Variants in LOXHD1 observed in about 807,000 individuals in gnomAD.
LOXHD1 encodes lipoxygenase homology PLAT domains 1.
A neutral mutation model predicts 248.2 loss-of-function variants in LOXHD1; 205 were observed. The ratio of observed to expected loss-of-function variants is 0.83; its 90% CI spans 0.74 to 0.93. LOXHD1 has a LOEUF of 0.93. Among genes scored for constraint, LOXHD1 ranks in the 40% least tolerant of loss-of-function variants. The probability of loss-of-function intolerance (pLI) is 0.00; values close to 1 mark genes in which losing one functional copy is unlikely to be tolerated. For missense variants in LOXHD1, 2,930 were observed against 2,971.6 expected, an observed-to-expected ratio of 0.99 and a Z score of 0.33; for synonymous variants, 1,113 against 1,162.8, an observed-to-expected ratio of 0.96 and a Z score of 0.87.
intron 37 of LOXHD1, among the ~76,000 whole-genome samples, chr18:46,494,940 G>A (rs1219994893): frequency 7.3e-6 from 1 of 136,622 alleles, no homozygotes; most frequent in Non-Finnish European, 1.5e-5. Context: ...TGCAAGCTCC[G>A]CCTCCCGGGT....
At chr18:46,637,323 C>A (rs1479035915) in intron 4 of LOXHD1, among the ~76,000 whole-genome samples, 1 of 152,178 alleles carries the variant, frequency 6.6e-6, no homozygotes, top group Non-Finnish European at 1.5e-5. Flanking sequence ...CAGGGGGTGT[C>A]TACCCTGAGG....
Position 46,504,302 on chromosome 18 carries a change from C to T in LOXHD1, c.5878+1536G>A, listed in dbSNP as rs553773473. Among the ~76,000 whole-genome samples, 87 of 152,194 alleles carry T rather than the reference C, an allele frequency of 5.7e-4. 1 individual carries two copies. In the South Asian group the frequency reaches 0.016, roughly 28 times the overall value. On this transcript the variant is annotated intron_variant, in intron 37 of 40. Coordinates refer to ENST00000642948, the MANE Select transcript of LOXHD1 (RefSeq NM_001384474.1). ...TGCATTTTTGGTAGAGATGGAGTTTCGCCATGTTGCCCAGGCTAGTCTCAA... is the reference window on the plus strand; with the variant it reads ...TGCATTTTTGGTAGAGATGGAGTTTTGCCATGTTGCCCAGGCTAGTCTCAA...
In LOXHD1 at chr18:46,533,266, T is replaced by C; in HGVS notation, c.4271A>G (p.Lys1424Arg). ...DRWLATSEDD[K>R]KTIRELVPYD... is the part of the protein sequence containing the mutation. Reference sequence around the variant, plus strand: ...TGGAACCAGTTCTCGAATGGTCTTTTTGTCATCCTCAGAGGTGGCAAGCCA... The same window carrying C: ...TGGAACCAGTTCTCGAATGGTCTTTCTGTCATCCTCAGAGGTGGCAAGCCA... Residue 1424 changes from lysine to arginine, a missense_variant, in exon 28 of 41, where the codon AAA becomes AGA. Physicochemically the swap from Lys to Arg is conservative, Grantham distance 26. Transcript: ENST00000642948. The C allele has an allele frequency of 6.4e-7, 1 of 1,551,794 alleles. No individual in the cohort carries two copies. The highest frequency in any genetic ancestry group is 8.7e-7 in the Non-Finnish European group (1 of 1,147,018).
chr18:46,535,837 C>A (rs1157833896), intron 26 of LOXHD1, among the ~76,000 whole-genome samples: 2 of 152,194 alleles, frequency 1.3e-5, no homozygotes, highest in Non-Finnish European at 2.9e-5. Flanking sequence ...TCCCAAAGTG[C>A]TGGCATTACA....
chr18:46,544,578 A>T (rs1217067722), intron 23 of LOXHD1, among the ~76,000 whole-genome samples: 1 of 152,222 alleles, frequency 6.6e-6, no homozygotes. Flanking sequence ...TACATGTTCA[A>T]CTTCATTAGA....
In LOXHD1 at chr18:46,620,463, G is replaced by C. The variant is rs1009593794; in HGVS notation, c.512-2173C>G. On this transcript the variant is annotated intron_variant, in intron 4 of 40. Coordinates refer to ENST00000642948, the MANE Select transcript of LOXHD1 (RefSeq NM_001384474.1). ...CAGGAGAAAGGATGAGAGGGGCTGG[G>C]AAGCATTTGTTGAAGGAGTCGCCAA... Among the ~76,000 whole-genome samples the C allele has an allele frequency of 4.6e-5, 7 of 152,336 alleles. No individual in the cohort carries two copies. In the East Asian group the frequency reaches 1.4e-3, roughly 29 times the overall value.
At chr18:46,560,020 GC>G (rs2037479227) in intron 19 of LOXHD1, 62 bp downstream of exon 19, 2 of 1,497,518 alleles carry the variant, frequency 1.3e-6, no homozygotes, top group African/African-American at 1.4e-5. Context: ...CCCCCAGTGG[GC>G]CCCCTTTAGG....
At chr18:46,570,136 G>A (rs1823098176) in intron 15 of LOXHD1, among the ~76,000 whole-genome samples, 1 of 152,210 alleles carries the variant, frequency 6.6e-6, no homozygotes, top group Non-Finnish European at 1.5e-5. Context: ...TTTGGTGCAA[G>A]ATGGCAACAG....
chr18:46,619,882 C>T (rs2038644357), intron 4 of LOXHD1, among the ~76,000 whole-genome samples: 1 of 152,168 alleles, frequency 6.6e-6, no homozygotes, highest in Non-Finnish European at 1.5e-5. Flanking sequence ...TTGTCCCTAA[C>T]TGAGAGCTCC....
At chr18:46,535,887 C>T (rs1016149071) in intron 26 of LOXHD1, among the ~76,000 whole-genome samples, 8 of 152,100 alleles carry the variant, frequency 5.3e-5, no homozygotes, top group Non-Finnish European at 7.4e-5. Flanking sequence ...TCAGTTCTAA[C>T]GCCTCAGAGA....
At position 46,557,393 on chromosome 18, in the gene LOXHD1, C is replaced by T. The variant is rs2143974627; in HGVS notation, c.3313G>A (p.Asp1105Asn). 1 of 1,552,362 alleles carries T rather than the reference C, an allele frequency of 6.4e-7. No individual in the cohort carries two copies. The highest frequency in any genetic ancestry group is 8.7e-7 in the Non-Finnish European group (1 of 1,147,146). The stretch of plus-strand genomic sequence containing the variant: ...TTCATGTCAGTAATGTCTATTCTGT[C>T]CAGGAACCAGCCTGCTCTGTTGCCT... ...NTGNRAGWFL[D>N]RIDITDMNNE... Residue 1105 changes from aspartate (D) to asparagine (N), a missense_variant, in exon 21 of 41, where the codon GAC becomes AAC. Physicochemically the swap from Asp to Asn is conservative, Grantham distance 23. Coordinates refer to ENST00000642948, the MANE Select transcript of LOXHD1 (RefSeq NM_001384474.1).
At chr18:46,632,765 C>G (rs1483243995) in intron 4 of LOXHD1, among the ~76,000 whole-genome samples, 9 of 152,170 alleles carry the variant, frequency 5.9e-5, no homozygotes, top group African/African-American at 2.2e-4. Context: ...TCCACAGGCC[C>G]CAGAAGGTGC....
intron 2 of LOXHD1, among the ~76,000 whole-genome samples, chr18:46,646,534 G>A (rs555276263): frequency 2.8e-4 from 43 of 152,132 alleles, no homozygotes; most frequent in Non-Finnish European, 5.1e-4. Flanking sequence ...CTGTTGATAC[G>A]GTAAGTTGAA....
intron 4 of LOXHD1, among the ~76,000 whole-genome samples, chr18:46,635,316 C>G (rs1190127431): frequency 6.6e-6 from 1 of 152,178 alleles, no homozygotes; most frequent in Admixed American, 6.5e-5. Context: ...CTTGTGACAG[C>G]AGGAGGTTGT....
At chr18:46,647,928 G>T (rs2039053562) in intron 2 of LOXHD1, among the ~76,000 whole-genome samples, 1 of 152,158 alleles carries the variant, frequency 6.6e-6, no homozygotes, top group Admixed American at 6.5e-5. Context: ...GGACCATAGG[G>T]TCATGTGGTC....
At chr18:46,610,471 G>A (rs929536138) in intron 6 of LOXHD1, among the ~76,000 whole-genome samples, 7 of 152,182 alleles carry the variant, frequency 4.6e-5, no homozygotes, top group African/African-American at 1.7e-4. Context: ...GATGGGTGCA[G>A]CAAACCAACA....
intron 8 of LOXHD1, among the ~76,000 whole-genome samples, chr18:46,595,193 CTG>C (rs527387069): frequency 3.7e-4 from 57 of 152,324 alleles, no homozygotes; most frequent in Admixed American, 3.0e-3. Flanking sequence ...CAAAAATTGA[CTG>C]TAACTTCCTT....
intron 24 of LOXHD1, 119 bp from the exon 25 acceptor site, chr18:46,542,059 C>CA: frequency 1.1e-6 from 1 of 919,314 alleles, no homozygotes; most frequent in Non-Finnish European, 1.6e-6. Context: ...ATTAACATGA[C>CA]ATCCCTTTTG....
intron 37 of LOXHD1, among the ~76,000 whole-genome samples, chr18:46,500,306 G>T (rs1385342567): frequency 6.6e-6 from 1 of 152,050 alleles, no homozygotes; most frequent in Non-Finnish European, 1.5e-5. Context: ...TTCCTCCTGA[G>T]GTCCAGACCC....
Sources: gnomAD v4.1 joint callset for allele counts (sites outside exome capture counted in the v4.1 genomes callset) on GRCh38, gnomAD v4.1.1 for gene constraint, MANE v1.5 for transcripts, NCBI Gene and HGNC (gene_info 2026-07-23, HGNC 2026-07-21) for gene names.